NTM: variants seen among roughly 807,000 people sequenced by gnomAD.
NTM encodes the protein neurotrimin, also known as IgLON family member 2.
NTM carries 13 observed loss-of-function variants against 42.1 expected under a neutral mutation model. The observed-to-expected ratio is 0.31, with a 90% CI of 0.20 to 0.49. The LOEUF is 0.49. NTM is among the 20% of genes least tolerant of loss of function. NTM has a pLI of 0.99. For missense variants in NTM, 373 were observed against 452.8 expected (o/e 0.82, Z 1.60); for synonymous variants, 187 against 179.2 (o/e 1.04, Z -0.35).
intron 1 of NTM, among the ~76,000 whole-genome samples, chr11:131,633,756 C>CTCTCTCT (rs1565355276): frequency 5.2e-5 from 2 of 38,472 alleles, no homozygotes; most frequent in African/African-American, 2.1e-4. Flanking sequence ...TCTCTCCCTC[C>CTCTCTCT]CTCTCTCTCC....
At chr11:131,907,400 A>C (rs4936150) in intron 1 of NTM, among the ~76,000 whole-genome samples, 19,518 of 152,244 alleles carry the variant, frequency 0.13, 1,346 homozygotes, top group African/African-American at 0.15. Context: ...CATCCAGAGT[A>C]CACATGGCAG....
intron 4 of NTM, among the ~76,000 whole-genome samples, chr11:132,283,663 T>G (rs2094102848): frequency 6.6e-6 from 1 of 152,232 alleles, no homozygotes; most frequent in Non-Finnish European, 1.5e-5. Context: ...CAGTTCTCTC[T>G]GCAGTTGCTT....
intron 2 of NTM, among the ~76,000 whole-genome samples, chr11:131,971,826 C>T (rs562009053): frequency 6.6e-6 from 1 of 151,966 alleles, no homozygotes; most frequent in South Asian, 2.1e-4. Context: ...AGGTGGATCA[C>T]AAGGTCAGGA....
chr11:131,424,007 G>A (rs1034592889), intron 1 of NTM, among the ~76,000 whole-genome samples: 7 of 152,192 alleles, frequency 4.6e-5, no homozygotes, highest in African/African-American at 1.4e-4. Flanking sequence ...AGGTAACCCT[G>A]TGTGTTTAAC....
chr11:132,114,032 A>T (rs2063563211), intron 2 of NTM, among the ~76,000 whole-genome samples: 1 of 152,162 alleles, frequency 6.6e-6, no homozygotes, highest in Admixed American at 6.5e-5. Flanking sequence ...CATATTGTAC[A>T]GTTGAACTTA....
chr11:131,544,099 G>T (rs904519173), intron 1 of NTM, among the ~76,000 whole-genome samples: 3 of 152,164 alleles, frequency 2.0e-5, no homozygotes, highest in Non-Finnish European at 4.4e-5. Flanking sequence ...ATGCATGCAG[G>T]TCAGTCCCAT....
intron 1 of NTM, among the ~76,000 whole-genome samples, chr11:131,410,352 G>A (rs1006016637): frequency 6.6e-6 from 1 of 151,852 alleles, no homozygotes; most frequent in South Asian, 2.1e-4. Flanking sequence ...CAGGCCTGGT[G>A]GTGCATACCC....
At chr11:132,228,576 A>C (rs781029723) in intron 4 of NTM, among the ~76,000 whole-genome samples, 1 of 152,194 alleles carries the variant, frequency 6.6e-6, no homozygotes, top group African/African-American at 2.4e-5. Context: ...ATAGGAGAGA[A>C]TAGCTTCCAT....
At position 132,312,209 on chromosome 11, in the gene NTM, TG is replaced by T. The variant is rs895129462; in HGVS notation, c.782+1983del. Reference sequence around the variant, plus strand: ...CTCCCAAGGCATATTGTGTCTGCCCTGGGGGGAAGGCCAGCTCTAGCCCATC... The same window carrying T: ...CTCCCAAGGCATATTGTGTCTGCCCTGGGGGAAGGCCAGCTCTAGCCCATC... On this transcript the variant is annotated intron_variant, in intron 6 of 8. Transcript: ENST00000683400. Among the ~76,000 whole-genome samples the T allele has an allele frequency of 1.3e-5, 2 of 152,134 alleles. 1 individual carries two copies. Among genetic ancestry groups the T allele is most frequent in the South Asian group, 4.1e-4 (2 of 4,832 alleles).
chr11:131,450,014 G>T (rs1233444563), intron 1 of NTM, among the ~76,000 whole-genome samples: 4 of 152,304 alleles, frequency 2.6e-5, no homozygotes, highest in African/African-American at 2.4e-5. Flanking sequence ...TAAGGTCATG[G>T]TTACCTCCAT....
chr11:131,807,186 C>T (rs1009030271), intron 1 of NTM, among the ~76,000 whole-genome samples: 3 of 152,184 alleles, frequency 2.0e-5, no homozygotes, highest in Admixed American at 6.5e-5. Flanking sequence ...GGAATAAAGA[C>T]TGAGAATATG....
intron 2 of NTM, among the ~76,000 whole-genome samples, chr11:132,050,582 T>A (rs571746371): frequency 6.6e-6 from 1 of 152,146 alleles, no homozygotes; most frequent in Non-Finnish European, 1.5e-5. Context: ...TGGCTTCCAA[T>A]TGAGATCTGT....
intron 4 of NTM, among the ~76,000 whole-genome samples, chr11:132,273,802 G>A (rs990420064): frequency 3.3e-5 from 5 of 152,260 alleles, no homozygotes; most frequent in African/African-American, 1.2e-4. Flanking sequence ...AGCTACTTGG[G>A]AGGCTGAGGT....
chr11:131,691,318 G>A (rs150585812), intron 1 of NTM, among the ~76,000 whole-genome samples: 3,014 of 152,322 alleles, frequency 0.02, 41 homozygotes, highest in Non-Finnish European at 0.028. Flanking sequence ...CGGGGAGTTC[G>A]CCCCTGTGGG....
intron 2 of NTM, among the ~76,000 whole-genome samples, chr11:132,138,571 T>TATCTATCTATC (rs1465120859): frequency 9.8e-3 from 180 of 18,368 alleles, no homozygotes; most frequent in Non-Finnish European, 0.025. Flanking sequence ...AGAATCTATC[T>TATCTATCTATC]ATCTATCTAT....
chr11:132,188,152 C>G (rs2078727048), intron 3 of NTM, among the ~76,000 whole-genome samples: 1 of 152,158 alleles, frequency 6.6e-6, no homozygotes, highest in African/African-American at 2.4e-5. Flanking sequence ...GAAGATGCTA[C>G]TGGCATCTAG....
At chr11:132,225,066 T>C (rs2138928443) in intron 4 of NTM, among the ~76,000 whole-genome samples, 1 of 152,336 alleles carries the variant, frequency 6.6e-6, no homozygotes, top group African/African-American at 2.4e-5. Context: ...AGAAGAGGGA[T>C]TTATCAGATT....
chr11:131,407,145 T>C (rs1945889146), intron 1 of NTM, among the ~76,000 whole-genome samples: 1 of 152,200 alleles, frequency 6.6e-6, no homozygotes, highest in African/African-American at 2.4e-5. Flanking sequence ...TTACCATTTC[T>C]ATCAGTGGCT....
intron 1 of NTM, among the ~76,000 whole-genome samples, chr11:131,415,416 G>T (rs565673636): frequency 2.0e-5 from 3 of 152,140 alleles, no homozygotes; most frequent in Non-Finnish European, 4.4e-5. Flanking sequence ...TCTTCTCCAG[G>T]CAAGGTCATT....
Sources: gnomAD v4.1 joint callset for allele counts (sites outside exome capture counted in the v4.1 genomes callset) on GRCh38, gnomAD v4.1.1 for gene constraint, MANE v1.5 for transcripts, NCBI Gene and HGNC (gene_info 2026-07-23, HGNC 2026-07-21) for gene names.